Variants in LRRK2 observed in about 807,000 individuals in gnomAD.
LRRK2 encodes the protein leucine-rich repeat serine/threonine-protein kinase 2.
LRRK2 carries 203 observed loss-of-function variants against 302.6 expected under a neutral mutation model. The observed-to-expected ratio is 0.67, with a 90% CI of 0.60 to 0.75. LRRK2 has a LOEUF of 0.75. LRRK2 is among the 30% of genes least tolerant of loss of function. The probability of loss-of-function intolerance (pLI) is 0.00; values close to 1 mark genes in which losing one functional copy is unlikely to be tolerated. For synonymous variants in LRRK2, 1,066 were observed against 1,031.9 expected, an observed-to-expected ratio of 1.03 and a Z score of -0.63; for missense variants, 2,830 against 2,951.0, an observed-to-expected ratio of 0.96 and a Z score of 0.95.
At chr12:40,293,887 T>C (rs1000945174) in intron 21 of LRRK2, among the ~76,000 whole-genome samples, 2 of 85,674 alleles carry the variant, frequency 2.3e-5, no homozygotes, top group African/African-American at 8.1e-5. Flanking sequence ...GTATGAATTT[T>C]TTGGGGCACA....
At chr12:40,240,662 T>G in intron 6 of LRRK2, 45 bp downstream of exon 6, 2 of 1,545,190 alleles carry the variant, frequency 1.3e-6, no homozygotes, top group Non-Finnish European at 1.8e-6. Context: ...TCTGAAAAAT[T>G]ACAATATATC....
intron 39 of LRRK2, among the ~76,000 whole-genome samples, chr12:40,332,821 A>G (rs889088450): frequency 1.3e-5 from 2 of 151,938 alleles, no homozygotes; most frequent in African/African-American, 2.4e-5. Flanking sequence ...ATTTTACACC[A>G]TGTGTTTGGG....
chr12:40,282,168 C>A (rs913057775), intron 18 of LRRK2, among the ~76,000 whole-genome samples: 2 of 139,310 alleles, frequency 1.4e-5, no homozygotes, highest in Non-Finnish European at 3.1e-5. Context: ...TCCCCTTCCC[C>A]TTCCTCTTCC....
At chr12:40,367,591 G>A in intron 50 of LRRK2, 53 bp from the exon 51 acceptor site, 1 of 1,555,026 alleles carries the variant, frequency 6.4e-7, no homozygotes, top group South Asian at 1.2e-5. Flanking sequence ...AATAAAATAA[G>A]AATGTTTTAT....
chr12:40,227,527 G>A (rs187732324), intron 2 of LRRK2, among the ~76,000 whole-genome samples: 5 of 151,864 alleles, frequency 3.3e-5, no homozygotes, highest in African/African-American at 7.2e-5. Flanking sequence ...CACCTTTTCC[G>A]CTCCTACATA....
chr12:40,283,544 T>C (rs1185936674), intron 18 of LRRK2, among the ~76,000 whole-genome samples: 1 of 152,204 alleles, frequency 6.6e-6, no homozygotes, highest in Non-Finnish European at 1.5e-5. Context: ...AGACAGAAGC[T>C]CAGAAAGTGT....
chr12:40,234,463 C>T (rs1365595842), intron 3 of LRRK2, among the ~76,000 whole-genome samples: 1 of 130,858 alleles, frequency 7.6e-6, no homozygotes, highest in Non-Finnish European at 1.5e-5. Flanking sequence ...ACTGTAACCT[C>T]TGTGTCCCGG....
intron 19 of LRRK2, among the ~76,000 whole-genome samples, chr12:40,284,805 A>G (rs1474889113): frequency 6.6e-6 from 1 of 152,062 alleles, no homozygotes; most frequent in Non-Finnish European, 1.5e-5. Flanking sequence ...CTCCTTCCCC[A>G]TGGTCATCAA....
At chr12:40,341,984 G>A (rs1946058978) in intron 41 of LRRK2, among the ~76,000 whole-genome samples, 1 of 152,222 alleles carries the variant, frequency 6.6e-6, no homozygotes, top group Non-Finnish European at 1.5e-5. Flanking sequence ...AAGTGGGCAT[G>A]GGACAGTGAT....
intron 18 of LRRK2, among the ~76,000 whole-genome samples, chr12:40,279,394 C>T (rs1018928105): frequency 1.3e-5 from 2 of 151,794 alleles, no homozygotes; most frequent in Non-Finnish European, 2.9e-5. Context: ...ATTAAAATCA[C>T]ATAAACAATC....
intron 20 of LRRK2, among the ~76,000 whole-genome samples, chr12:40,288,986 G>A (rs1249452433): frequency 6.6e-6 from 1 of 151,614 alleles, no homozygotes; most frequent in East Asian, 1.9e-4. Flanking sequence ...CCTTTTCTTA[G>A]CCTAAATTTG....
intron 38 of LRRK2, among the ~76,000 whole-genome samples, chr12:40,323,613 T>C (rs1226326607): frequency 6.6e-6 from 1 of 152,070 alleles, no homozygotes; most frequent in East Asian, 1.9e-4. Flanking sequence ...TAAGACAGTT[T>C]TCAGGTGAGT....
intron 3 of LRRK2, chr12:40,232,662 AG>A (rs1164248313): frequency 4.0e-6 from 1 of 247,028 alleles, no homozygotes; most frequent in Non-Finnish European, 7.7e-6. Flanking sequence ...ATTTTTGATG[AG>A]TACTTTTGAA....
intron 18 of LRRK2, 65 bp downstream of exon 18, chr12:40,278,326 A>G (rs970237549): frequency 1.9e-6 from 3 of 1,555,880 alleles, no homozygotes; most frequent in African/African-American, 2.7e-5. Context: ...GAGCCCTGCC[A>G]TTGTGTATCT....
intron 13 of LRRK2, among the ~76,000 whole-genome samples, chr12:40,262,981 T>A (rs542593732): frequency 6.6e-6 from 1 of 152,308 alleles, no homozygotes; most frequent in Non-Finnish European, 1.5e-5. Context: ...ACCATAGTAT[T>A]CCCAGCATTA....
intron 11 of LRRK2, among the ~76,000 whole-genome samples, chr12:40,254,724 A>G (rs1035999628): frequency 2.6e-5 from 4 of 152,224 alleles, no homozygotes; most frequent in Non-Finnish European, 4.4e-5. Flanking sequence ...GTGGTGTCTG[A>G]GGACTGGTTA....
At chr12:40,290,210 G>A (rs1054586388) in intron 20 of LRRK2, among the ~76,000 whole-genome samples, 1 of 151,878 alleles carries the variant, frequency 6.6e-6, no homozygotes, top group African/African-American at 2.4e-5. Context: ...TTGTTAATAT[G>A]GTCAAATACA....
chr12:40,248,472 C>CT (rs1942107923), intron 7 of LRRK2, among the ~76,000 whole-genome samples: 1 of 151,992 alleles, frequency 6.6e-6, no homozygotes, highest in South Asian at 2.1e-4. Context: ...GGTAAAGAAT[C>CT]TTTTTTCTCT....
chr12:40,259,633 G>T (rs750665156), intron 13 of LRRK2, 29 bp downstream of exon 13: 7 of 1,611,808 alleles, frequency 4.3e-6, no homozygotes, highest in South Asian at 1.1e-5. Flanking sequence ...TGTGGGAAGA[G>T]ATAACAATTT....
Sources: gnomAD v4.1 joint callset for allele counts (sites outside exome capture counted in the v4.1 genomes callset) on GRCh38, gnomAD v4.1.1 for gene constraint, MANE v1.5 for transcripts, NCBI Gene and HGNC (gene_info 2026-07-23, HGNC 2026-07-21) for gene names.